PHF20: variants seen among roughly 807,000 people sequenced by gnomAD.
The protein encoded by PHF20 is PHD finger protein 20.
A neutral mutation model predicts 113.5 loss-of-function variants in PHF20; 23 were observed. The observed-to-expected ratio is 0.20, with a 90% CI of 0.15 to 0.29. The LOEUF (loss-of-function observed/expected upper bound fraction) is 0.29. Ranked by LOEUF, PHF20 falls within the 10% of genes least tolerant of loss-of-function variation. The probability of loss-of-function intolerance (pLI) is 1.00; values close to 1 mark genes in which losing one functional copy is unlikely to be tolerated. For synonymous variants in PHF20, 434 were observed against 457.3 expected, an observed-to-expected ratio of 0.95 and a Z score of 0.65; for missense variants, 943 against 1,219.6, an observed-to-expected ratio of 0.77 and a Z score of 3.38.
At chr20:35,879,711 CA>C (rs552777259) in intron 9 of PHF20, among the ~76,000 whole-genome samples, 5 of 76,888 alleles carry the variant, frequency 6.5e-5, no homozygotes, top group East Asian at 4.0e-4. Flanking sequence ...TGAGCCATGT[CA>C]AAAAAAAAAC....
At chr20:35,903,995 T>C (rs1341049210) in intron 10 of PHF20, among the ~76,000 whole-genome samples, 3 of 152,106 alleles carry the variant, frequency 2.0e-5, no homozygotes, top group African/African-American at 7.2e-5. Context: ...AACCAAAAAT[T>C]TGAAAGAATA....
rs548587433 is a variant in PHF20, at chr20:35,942,132, C to T, written c.2896+1085C>T. ...CTCTACAAAAAAATAAAAAACTAGC[C>T]AAGTGTAGGGGTGTAGTCCCAGCTA... On this transcript the variant is annotated intron_variant, in intron 17 of 17. Coordinates refer to ENST00000374012, the MANE Select transcript of PHF20 (RefSeq NM_016436.5). Among the ~76,000 whole-genome samples, 15 of 152,022 alleles carry T rather than the reference C, an allele frequency of 9.9e-5. No homozygotes were observed. The South Asian group carries it at 3.1e-3, about 32-fold the overall frequency.
intron 2 of PHF20, among the ~76,000 whole-genome samples, chr20:35,815,702 T>C (rs2042061254): frequency 6.6e-6 from 1 of 151,946 alleles, no homozygotes; most frequent in Non-Finnish European, 1.5e-5. Context: ...CCTGACCTCG[T>C]GTTCCACCCG....
intron 9 of PHF20, among the ~76,000 whole-genome samples, chr20:35,875,358 A>G (rs547918585): frequency 5.3e-5 from 8 of 151,244 alleles, no homozygotes; most frequent in Non-Finnish European, 1.2e-4. Context: ...AGATCGCACC[A>G]CTGCACTCCA....
chr20:35,878,739 G>C, intron 9 of PHF20: 1 of 752,240 alleles, frequency 1.3e-6, no homozygotes, highest in Non-Finnish European at 2.5e-6. Context: ...CTTAGAAGAA[G>C]AGACGCTGTC....
chr20:35,890,078 A>C (rs2054820793), intron 9 of PHF20, among the ~76,000 whole-genome samples: 1 of 150,886 alleles, frequency 6.6e-6, no homozygotes, highest in Non-Finnish European at 1.5e-5. Flanking sequence ...CCCAAGCTGG[A>C]GTGCAGTGGT....
intron 1 of PHF20, among the ~76,000 whole-genome samples, chr20:35,776,629 A>G (rs545009902): frequency 6.6e-6 from 1 of 152,250 alleles, no homozygotes; most frequent in East Asian, 1.9e-4. Context: ...GCCCTCTTCC[A>G]CGTGATCCTG....
intron 2 of PHF20, among the ~76,000 whole-genome samples, chr20:35,808,535 CA>C (rs1481974563): frequency 6.6e-6 from 1 of 151,764 alleles, no homozygotes; most frequent in African/African-American, 2.4e-5. Flanking sequence ...ATTAACTGGC[CA>C]TGCGTATTTT....
rs1427496929 is a variant in PHF20, at chr20:35,925,067, CTCTT to C, written c.2005-2710_2005-2707del. Reference sequence around the variant, plus strand: ...TGCATTTGAATCCTTTTCTGGTTCTCTCTTTCAGCGATTCATCTGTCTGTATATT... The same window carrying C: ...TGCATTTGAATCCTTTTCTGGTTCTCTCAGCGATTCATCTGTCTGTATATT... On this transcript the variant is annotated intron_variant, in intron 13 of 17. Transcript: ENST00000374012. Among the ~76,000 whole-genome samples, 11 of 152,162 alleles carry C rather than the reference CTCTT, an allele frequency of 7.2e-5. No homozygotes were observed. In the South Asian group the frequency reaches 1.2e-3, roughly 17 times the overall value.
At chr20:35,818,081 C>T (rs570801168) in intron 2 of PHF20, among the ~76,000 whole-genome samples, 34 of 151,862 alleles carry the variant, frequency 2.2e-4, no homozygotes, top group Non-Finnish European at 4.7e-4. Flanking sequence ...TTCAGGAGTT[C>T]GAGACCAGCC....
intron 17 of PHF20, among the ~76,000 whole-genome samples, chr20:35,943,855 A>G (rs2056037313): frequency 6.6e-6 from 1 of 152,100 alleles, no homozygotes; most frequent in Non-Finnish European, 1.5e-5. Context: ...TCCTGACCTC[A>G]TGATCTGCCT....
chr20:35,866,823 C>T (rs1290170364), intron 6 of PHF20, among the ~76,000 whole-genome samples: 2 of 152,146 alleles, frequency 1.3e-5, no homozygotes, highest in Non-Finnish European at 2.9e-5. Flanking sequence ...CAAGGACATT[C>T]AGTTTTTATA....
intron 1 of PHF20, among the ~76,000 whole-genome samples, chr20:35,777,585 G>A (rs1355585055): frequency 6.6e-6 from 1 of 152,258 alleles, no homozygotes; most frequent in African/African-American, 2.4e-5. Flanking sequence ...GGAGGCCAGA[G>A]TGGGAGGATT....
At chr20:35,779,726 C>T (rs1241511379) in intron 1 of PHF20, among the ~76,000 whole-genome samples, 2 of 151,840 alleles carry the variant, frequency 1.3e-5, no homozygotes, top group South Asian at 2.1e-4. Flanking sequence ...TCACCATGTT[C>T]GCCAGGCTAG....
intron 17 of PHF20, among the ~76,000 whole-genome samples, chr20:35,946,797 C>T (rs1271989923): frequency 6.6e-6 from 1 of 151,942 alleles, no homozygotes; most frequent in South Asian, 2.1e-4. Flanking sequence ...GCGACCTCCG[C>T]CTCCCGGGTT....
At position 35,857,577 on chromosome 20, in the gene PHF20, T is replaced by G. The variant is rs980439374; in HGVS notation, c.341-725T>G. ...AATGATGTTCCTTTTTTTTTTTTTT[T>G]TTTTTTTTTGTTTTTTTTTTGGAGA... On this transcript the variant is annotated intron_variant, in intron 4 of 17. Transcript: ENST00000374012. Among the ~76,000 whole-genome samples, 844 of 131,400 alleles carry G rather than the reference T, an allele frequency of 6.4e-3. 5 individuals carry two copies. The highest frequency in any genetic ancestry group is 0.025 in the African/African-American group (761 of 30,494). 86.2% of individuals were successfully genotyped at this position (131,400 alleles called of 152,430 possible). A position where few individuals can be genotyped will look rare whatever the true frequency, so the allele number is the denominator to read the frequency against.
At chr20:35,876,335 C>A (rs867062191) in intron 9 of PHF20, among the ~76,000 whole-genome samples, 22 of 152,024 alleles carry the variant, frequency 1.4e-4, no homozygotes, top group African/African-American at 5.3e-4. Context: ...CTTTGGGAGG[C>A]CGAGGTGGGC....
intron 10 of PHF20, among the ~76,000 whole-genome samples, chr20:35,900,855 G>A (rs187506233): frequency 2.6e-5 from 4 of 152,032 alleles, no homozygotes; most frequent in Non-Finnish European, 4.4e-5. Context: ...AACCAAATAA[G>A]CTAGCATAAA....
intron 11 of PHF20, 123 bp from the exon 12 acceptor site, chr20:35,913,910 G>T: frequency 6.7e-6 from 6 of 894,354 alleles, no homozygotes; most frequent in Middle Eastern, 3.5e-4. Flanking sequence ...CCTCTTTTTG[G>T]TTGAATTGTC....
Sources: gnomAD v4.1 joint callset for allele counts (sites outside exome capture counted in the v4.1 genomes callset) on GRCh38, gnomAD v4.1.1 for gene constraint, MANE v1.5 for transcripts, NCBI Gene and HGNC (gene_info 2026-07-23, HGNC 2026-07-21) for gene names.